The following PREP variants were observed in gnomAD, a reference collection of about 807,000 sequenced individuals.
PREP encodes prolyl endopeptidase.
In PREP, 29 loss-of-function variants were observed where a neutral mutation model predicts 87.6. That is an observed-to-expected ratio of 0.33 (90% confidence interval 0.25 to 0.45). The LOEUF (loss-of-function observed/expected upper bound fraction) is 0.45, where lower values mean the gene tolerates loss of function less well. PREP is among the 20% of genes least tolerant of loss of function. The probability of loss-of-function intolerance (pLI) is 1.00; values close to 1 mark genes in which losing one functional copy is unlikely to be tolerated. For missense variants in PREP, 695 were observed against 886.5 expected, an observed-to-expected ratio of 0.78 and a Z score of 2.74; for synonymous variants, 337 against 328.6, an observed-to-expected ratio of 1.03 and a Z score of -0.28.
chr6:105,355,999 A>G (rs750258113), intron 6 of PREP, among the ~76,000 whole-genome samples: 12 of 152,114 alleles, frequency 7.9e-5, no homozygotes, highest in Non-Finnish European at 1.2e-4. Context: ...ATAGCTTTTT[A>G]TAAGTCCTTA....
chr6:105,372,034 A>G (rs1419120607), intron 5 of PREP, among the ~76,000 whole-genome samples: 1 of 152,200 alleles, frequency 6.6e-6, no homozygotes, highest in East Asian at 1.9e-4. Context: ...CAGAGCGCAG[A>G]CATCTTTCTT....
intron 10 of PREP, among the ~76,000 whole-genome samples, chr6:105,300,064 C>T (rs994934980): frequency 6.6e-6 from 1 of 152,052 alleles, no homozygotes; most frequent in African/African-American, 2.4e-5. Context: ...ACCCGGGTAA[C>T]TTTGGTATTT....
At chr6:105,337,089 T>A (rs1169234007) in intron 7 of PREP, among the ~76,000 whole-genome samples, 1 of 152,214 alleles carries the variant, frequency 6.6e-6, no homozygotes, top group Non-Finnish European at 1.5e-5. Context: ...AAAAGAAGCA[T>A]CACACTGTGT....
intron 2 of PREP, among the ~76,000 whole-genome samples, chr6:105,392,468 C>T (rs1278357561): frequency 6.6e-6 from 1 of 152,208 alleles, no homozygotes; most frequent in Non-Finnish European, 1.5e-5. Context: ...GCATATTATA[C>T]TTAGTAGGAA....
chr6:105,326,685 GATCTA>G (rs1377107771), intron 9 of PREP, among the ~76,000 whole-genome samples: 1 of 152,184 alleles, frequency 6.6e-6, no homozygotes, highest in African/African-American at 2.4e-5. Flanking sequence ...GCTTTCATGA[GATCTA>G]ATCTAATTAT....
At chr6:105,362,917 T>C (rs1213048815) in intron 6 of PREP, among the ~76,000 whole-genome samples, 1 of 152,218 alleles carries the variant, frequency 6.6e-6, no homozygotes, top group Non-Finnish European at 1.5e-5. Flanking sequence ...TCTGTGTCTG[T>C]TCTGGAAGGT....
chr6:105,354,466 A>G (rs142666654), intron 6 of PREP, among the ~76,000 whole-genome samples: 1 of 151,374 alleles, frequency 6.6e-6, no homozygotes. Flanking sequence ...TTATATGTCA[A>G]TCTGGCTAGG....
At chr6:105,287,989 G>A (rs1306556063) in intron 11 of PREP, among the ~76,000 whole-genome samples, 1 of 152,200 alleles carries the variant, frequency 6.6e-6, no homozygotes, top group Non-Finnish European at 1.5e-5. Flanking sequence ...AATAGATGAT[G>A]TAACAGAGTA....
At chr6:105,396,020 C>A (rs1583109019) in intron 2 of PREP, among the ~76,000 whole-genome samples, 1 of 152,150 alleles carries the variant, frequency 6.6e-6, no homozygotes, top group South Asian at 2.1e-4. Context: ...GGAGGTAACC[C>A]CACACCTGTT....
chr6:105,402,481 C>T (rs936175817), intron 1 of PREP, among the ~76,000 whole-genome samples: 1 of 152,142 alleles, frequency 6.6e-6, no homozygotes. Flanking sequence ...GACACTTTCT[C>T]CTACCACCAT....
intron 10 of PREP, among the ~76,000 whole-genome samples, chr6:105,314,946 C>T (rs998669131): frequency 3.9e-5 from 6 of 152,164 alleles, no homozygotes; most frequent in Non-Finnish European, 8.8e-5. Context: ...CAGGTATAAA[C>T]ACAACATTCA....
At chr6:105,296,350 A>C (rs1770412223) in intron 10 of PREP, among the ~76,000 whole-genome samples, 1 of 150,332 alleles carries the variant, frequency 6.7e-6, no homozygotes, top group East Asian at 1.9e-4. Flanking sequence ...TTTTTCTATC[A>C]TGCTTTGTTT....
At chr6:105,293,853 G>T (rs1279039178) in intron 10 of PREP, among the ~76,000 whole-genome samples, 1 of 152,090 alleles carries the variant, frequency 6.6e-6, no homozygotes, top group African/African-American at 2.4e-5. Context: ...AGACATTTTC[G>T]AAACAGCCAT....
chr6:105,341,678 T>C (rs910211766), intron 7 of PREP, among the ~76,000 whole-genome samples: 1 of 152,044 alleles, frequency 6.6e-6, no homozygotes, highest in African/African-American at 2.4e-5. Flanking sequence ...AAGAATCAAA[T>C]AGATGCAATA....
intron 10 of PREP, among the ~76,000 whole-genome samples, chr6:105,308,744 G>A (rs1330530078): frequency 6.6e-6 from 1 of 151,994 alleles, no homozygotes; most frequent in Non-Finnish European, 1.5e-5. Context: ...ACTTTCAATC[G>A]TCAAGTACTT....
At chr6:105,305,898 T>C (rs1770644370) in intron 10 of PREP, among the ~76,000 whole-genome samples, 2 of 151,744 alleles carry the variant, frequency 1.3e-5, no homozygotes, top group Non-Finnish European at 2.9e-5. Context: ...TGGAGTACAG[T>C]GGTACAATCA....
chr6:105,280,485 A>C (rs1384966999), intron 14 of PREP: 1 of 152,228 alleles, frequency 6.6e-6, no homozygotes, highest in African/African-American at 2.4e-5. Context: ...TGTTATCAGC[A>C]TAGTGGTTGC....
chr6:105,344,703 G>T (rs1562208811), intron 7 of PREP, among the ~76,000 whole-genome samples: 2 of 152,116 alleles, frequency 1.3e-5, no homozygotes, highest in African/African-American at 4.8e-5. Flanking sequence ...GCGGGAGGGA[G>T]AGCATTAGGA....
At chr6:105,332,194 T>C (rs951118416) in intron 8 of PREP, among the ~76,000 whole-genome samples, 1 of 152,000 alleles carries the variant, frequency 6.6e-6, no homozygotes, top group Non-Finnish European at 1.5e-5. Context: ...CCAGGAGTGC[T>C]TTCTTCAGGG....
Sources: gnomAD v4.1 joint callset for allele counts (sites outside exome capture counted in the v4.1 genomes callset) on GRCh38, gnomAD v4.1.1 for gene constraint, MANE v1.5 for transcripts, NCBI Gene and HGNC (gene_info 2026-07-23, HGNC 2026-07-21) for gene names.